HSD17B3: variants seen among roughly 807,000 people sequenced by gnomAD.
The protein encoded by HSD17B3 is hydroxysteroid 17-beta dehydrogenase 3.
In HSD17B3, 29 loss-of-function variants were observed where a neutral mutation model predicts 41.1. The ratio of observed to expected loss-of-function variants is 0.71; its 90% confidence interval spans 0.53 to 0.96. The LOEUF (loss-of-function observed/expected upper bound fraction) is 0.96. Among genes scored for constraint, HSD17B3 ranks in the 40% least tolerant of loss-of-function variants. The pLI is 0.00. For missense variants in HSD17B3, 323 were observed against 374.6 expected (o/e 0.86, Z 1.14); for synonymous variants, 126 against 145.6 (o/e 0.87, Z 0.97).
chr9:96,288,869 G>A (rs1292890564), intron 2 of HSD17B3, among the ~76,000 whole-genome samples: 4 of 151,812 alleles, frequency 2.6e-5, no homozygotes, highest in Non-Finnish European at 2.9e-5. Flanking sequence ...CCCGGGAGGC[G>A]GAGCTCGCAA....
intron 2 of HSD17B3, among the ~76,000 whole-genome samples, chr9:96,282,997 T>C (rs975504996): frequency 2.2e-5 from 2 of 91,402 alleles, no homozygotes; most frequent in East Asian, 9.5e-4. Flanking sequence ...TCTTTCTTTT[T>C]TTTTTTTTTT....
intron 2 of HSD17B3, among the ~76,000 whole-genome samples, chr9:96,281,203 C>T (rs1193396359): frequency 6.6e-6 from 1 of 152,104 alleles, no homozygotes; most frequent in African/African-American, 2.4e-5. Flanking sequence ...AAACCCCCTT[C>T]CCAAAGCCTA....
At chr9:96,257,510 AT>A (rs2130738493) in intron 2 of HSD17B3, among the ~76,000 whole-genome samples, 1 of 150,564 alleles carries the variant, frequency 6.6e-6, no homozygotes, top group South Asian at 2.1e-4. Flanking sequence ...TGTGGGTTTT[AT>A]TTATTTTTAT....
At chr9:96,275,335 T>C (rs189236498) in intron 2 of HSD17B3, among the ~76,000 whole-genome samples, 6 of 152,224 alleles carry the variant, frequency 3.9e-5, no homozygotes, top group Non-Finnish European at 7.4e-5. Flanking sequence ...TAAAATAATA[T>C]AATAGTTGTA....
At chr9:96,267,978 G>A (rs905692525) in intron 2 of HSD17B3, among the ~76,000 whole-genome samples, 19 of 152,134 alleles carry the variant, frequency 1.2e-4, no homozygotes, top group African/African-American at 4.6e-4. Flanking sequence ...CAGGCTGAGT[G>A]CAGTGGTGCG....
chr9:96,299,520 C>T (rs1214478509), intron 1 of HSD17B3, among the ~76,000 whole-genome samples: 2 of 152,150 alleles, frequency 1.3e-5, no homozygotes, highest in Non-Finnish European at 2.9e-5. Flanking sequence ...TCAATAATAA[C>T]GACGGATAAC....
At position 96,244,402 on chromosome 9, in the gene HSD17B3, A is replaced by C; in HGVS notation, c.607-8T>G. 1.2e-6 allele frequency: 2 copies of C among 1,614,132 alleles called. No individual in the cohort carries two copies. Among genetic ancestry groups the C allele is most frequent in the Non-Finnish European group, 1.7e-6 (2 of 1,180,000 alleles). ...AAATGCGCACACAAACGCCTGGAGC[A>C]AGAAGGAGAGACACCTGAGGCCCCA... is the stretch of plus-strand genomic sequence containing the variant. On this transcript the variant is annotated splice_region_variant and splice_polypyrimidine_tract_variant and intron_variant, in intron 8 of 10. Transcript: ENST00000375263.
intron 2 of HSD17B3, among the ~76,000 whole-genome samples, chr9:96,275,747 C>T (rs1318718374): frequency 6.6e-6 from 1 of 151,048 alleles, no homozygotes; most frequent in South Asian, 2.1e-4. Context: ...AAGCAATAAT[C>T]GATACAAAAA....
chr9:96,291,368 G>A (rs928038027), intron 2 of HSD17B3, among the ~76,000 whole-genome samples: 12 of 84,170 alleles, frequency 1.4e-4, no homozygotes, highest in African/African-American at 5.8e-4. Context: ...CCAACAGTAA[G>A]AAGTAGGCAG....
chr9:96,266,109 GATTTAA>G (rs1761959743), intron 2 of HSD17B3, among the ~76,000 whole-genome samples: 1 of 152,202 alleles, frequency 6.6e-6, no homozygotes, highest in Admixed American at 6.5e-5. Flanking sequence ...ATACAGGCAA[GATTTAA>G]AATATAGAAA....
At chr9:96,291,719 T>A (rs1443437513) in intron 2 of HSD17B3, among the ~76,000 whole-genome samples, 2 of 152,130 alleles carry the variant, frequency 1.3e-5, no homozygotes, top group East Asian at 3.9e-4. Flanking sequence ...CACTTTGGGA[T>A]GCCACAGCAA....
intron 2 of HSD17B3, among the ~76,000 whole-genome samples, chr9:96,282,815 G>A (rs1826748756): frequency 6.6e-6 from 1 of 152,114 alleles, no homozygotes; most frequent in Non-Finnish European, 1.5e-5. Flanking sequence ...TGGGAATGTG[G>A]ATTTTTCTGC....
chr9:96,247,531 G>A (rs1219360379), intron 6 of HSD17B3, among the ~76,000 whole-genome samples: 1 of 152,210 alleles, frequency 6.6e-6, no homozygotes. Context: ...GGGGGCCAGG[G>A]GGCCAGGGCA....
chr9:96,251,396 A>G, intron 5 of HSD17B3, 22 bp downstream of exon 5: 1 of 1,608,088 alleles, frequency 6.2e-7, no homozygotes, highest in South Asian at 1.1e-5. Context: ...AGGAATCTAT[A>G]CACAGAAGAG....
intron 2 of HSD17B3, among the ~76,000 whole-genome samples, chr9:96,292,153 T>C (rs1300816260): frequency 6.6e-6 from 1 of 151,060 alleles, no homozygotes; most frequent in Non-Finnish European, 1.5e-5. Flanking sequence ...AAGAAAAGAA[T>C]CAATGAACTT....
intron 4 of HSD17B3, 84 bp from the exon 5 acceptor site, chr9:96,251,569 T>G: frequency 2.4e-6 from 3 of 1,257,894 alleles, no homozygotes; most frequent in Non-Finnish European, 3.5e-6. Context: ...AAGATTGACA[T>G]GTAAGGTTGT....
At chr9:96,275,205 G>C (rs1826402781) in intron 2 of HSD17B3, among the ~76,000 whole-genome samples, 1 of 151,986 alleles carries the variant, frequency 6.6e-6, no homozygotes, top group African/African-American at 2.4e-5. Context: ...ATCACCACTA[G>C]ATTTGCCTTA....
At chr9:96,239,061 T>C (rs1052004177) in intron 10 of HSD17B3, among the ~76,000 whole-genome samples, 3 of 152,198 alleles carry the variant, frequency 2.0e-5, no homozygotes, top group Admixed American at 2.0e-4. Flanking sequence ...AGTACAGCAG[T>C]CTGCTGCCCT....
At chr9:96,241,997 GAAAGAAAGAGAAAGA>G (rs1217040324) in intron 9 of HSD17B3, among the ~76,000 whole-genome samples, 1 of 128,686 alleles carries the variant, frequency 7.8e-6, no homozygotes, top group Non-Finnish European at 1.7e-5. Flanking sequence ...AAGAAAGAAA[GAAAGAAAGAGAAAGA>G]AAAGAAAGAA....
Sources: gnomAD v4.1 joint callset for allele counts (sites outside exome capture counted in the v4.1 genomes callset) on GRCh38, gnomAD v4.1.1 for gene constraint, MANE v1.5 for transcripts, NCBI Gene and HGNC (gene_info 2026-07-23, HGNC 2026-07-21) for gene names.